DAPK1: variants seen among roughly 807,000 people sequenced by gnomAD.
DAPK1 encodes death associated protein kinase 1.
A neutral mutation model predicts 144.9 loss-of-function variants in DAPK1; 56 were observed. The ratio of observed to expected loss-of-function variants is 0.39; its 90% CI spans 0.31 to 0.48. The LOEUF is 0.48. Ranked by LOEUF, DAPK1 falls within the 20% of genes least tolerant of loss-of-function variation. The probability of loss-of-function intolerance (pLI) is 0.95; values close to 1 mark genes in which losing one functional copy is unlikely to be tolerated. For missense variants in DAPK1, 1,454 were observed against 1,875.4 expected (o/e 0.78, Z 4.15); for synonymous variants, 690 against 749.0 (o/e 0.92, Z 1.29).
intron 3 of DAPK1, among the ~76,000 whole-genome samples, chr9:87,620,575 G>A (rs1344112685): frequency 1.3e-5 from 2 of 151,550 alleles, no homozygotes; most frequent in Admixed American, 6.6e-5. Context: ...GGAGGGGGAG[G>A]GGGAGGGAGA....
chr9:87,518,473 C>G (rs1178514818), intron 2 of DAPK1, among the ~76,000 whole-genome samples: 1 of 151,762 alleles, frequency 6.6e-6, no homozygotes, highest in South Asian at 2.1e-4. Context: ...TGATGTTAAC[C>G]CTTTGCCATC....
At chr9:87,654,792 C>T (rs576589690) in intron 17 of DAPK1, among the ~76,000 whole-genome samples, 8 of 152,234 alleles carry the variant, frequency 5.3e-5, no homozygotes, top group East Asian at 1.9e-4. Flanking sequence ...ATCAGCTCTC[C>T]CCTTGTGAGA....
intron 19 of DAPK1, among the ~76,000 whole-genome samples, chr9:87,670,565 C>G (rs1422058788): frequency 6.6e-6 from 1 of 152,160 alleles, no homozygotes; most frequent in African/African-American, 2.4e-5. Context: ...GGTTTCCACA[C>G]AGAGAGGCTG....
chr9:87,525,647 G>C (rs147245509), intron 2 of DAPK1, among the ~76,000 whole-genome samples: 43 of 152,302 alleles, frequency 2.8e-4, no homozygotes, highest in African/African-American at 9.4e-4. Context: ...GGTCAGAGCA[G>C]CCCTGTTAGG....
chr9:87,647,416 C>A lies in DAPK1; in HGVS notation c.1329+13C>A. 6.2e-7 allele frequency: 1 copy of A among 1,608,174 alleles called. No homozygotes were observed. Among genetic ancestry groups the A allele is most frequent in the Non-Finnish European group, 8.5e-7 (1 of 1,174,638 alleles). On this transcript the variant is annotated intron_variant, in intron 14 of 25. Coordinates refer to ENST00000408954, the MANE Select transcript of DAPK1 (RefSeq NM_004938.4). The stretch of plus-strand genomic sequence containing the variant: ...TGTGAAAGACAAGGTAAGGCCACTT[C>A]TCTTAGGAGGAACATGAGGTGGTAG...
At chr9:87,699,944 C>A (rs1825401718) in intron 23 of DAPK1, among the ~76,000 whole-genome samples, 173 bp from the exon 24 acceptor site, 1 of 152,176 alleles carries the variant, frequency 6.6e-6, no homozygotes, top group African/African-American at 2.4e-5. Flanking sequence ...TCTCTGCACC[C>A]ACTGTGATGA....
At chr9:87,575,587 A>G (rs1428068373) in intron 2 of DAPK1, among the ~76,000 whole-genome samples, 1 of 152,166 alleles carries the variant, frequency 6.6e-6, no homozygotes, top group Non-Finnish European at 1.5e-5. Context: ...GTTACAAAGG[A>G]GTAATTTGAG....
chr9:87,705,886 T>A (rs1009401717), intron 25 of DAPK1, among the ~76,000 whole-genome samples: 6 of 152,200 alleles, frequency 3.9e-5, no homozygotes, highest in African/African-American at 1.4e-4. Flanking sequence ...TTCTTTCATT[T>A]CGCTGGCCTT....
intron 2 of DAPK1, among the ~76,000 whole-genome samples, chr9:87,587,528 A>T (rs1827977323): frequency 6.6e-6 from 1 of 152,180 alleles, no homozygotes; most frequent in Admixed American, 6.5e-5. Flanking sequence ...GCAATAACTT[A>T]TAATTATCCC....
chr9:87,637,954 G>A lies in DAPK1; in HGVS notation c.296G>A (p.Gly99Asp), dbSNP rs776542388. The A allele has an allele frequency of 6.2e-7, 1 of 1,613,816 alleles. No individual in the cohort carries two copies. Among genetic ancestry groups the A allele is most frequent in the Non-Finnish European group, 8.5e-7 (1 of 1,179,856 alleles). Reference sequence around the variant, plus strand: ...TTCCGGGTTCTCAGCGTTGCAGGTGGCGAGCTGTTTGACTTCTTAGCTGAA... The same window carrying A: ...TTCCGGGTTCTCAGCGTTGCAGGTGACGAGCTGTTTGACTTCTTAGCTGAA... ...VILILELVAG[G>D]ELFDFLAEKE... The change falls in exon 4 of 26, where the codon GGC (glycine) becomes GAC (aspartate). Residue 99 changes from glycine to aspartate, a missense_variant. Around this residue, in one of 2 missense-constraint regions of DAPK1, gnomAD observed 429 missense variants for 637.5 expected, o/e 0.67. Transcript: ENST00000408954.
At chr9:87,656,246 G>T (rs1380247963) in intron 17 of DAPK1, among the ~76,000 whole-genome samples, 1 of 152,168 alleles carries the variant, frequency 6.6e-6, no homozygotes, top group Non-Finnish European at 1.5e-5. Flanking sequence ...GGTATTTAGG[G>T]AGGGGGTTAT....
At chr9:87,601,075 C>A (rs534574075) in intron 2 of DAPK1, among the ~76,000 whole-genome samples, 23 of 152,296 alleles carry the variant, frequency 1.5e-4, no homozygotes, top group Non-Finnish European at 2.4e-4. Flanking sequence ...ACTGTCCCCC[C>A]AAAGGAGTCC....
chr9:87,520,599 G>A (rs1186796400), intron 2 of DAPK1, among the ~76,000 whole-genome samples: 4 of 152,162 alleles, frequency 2.6e-5, no homozygotes, highest in African/African-American at 4.8e-5. Context: ...TTAGGATATC[G>A]GTAACAATTT....
intron 2 of DAPK1, among the ~76,000 whole-genome samples, chr9:87,555,446 C>T (rs976410259): frequency 6.7e-6 from 1 of 150,330 alleles, no homozygotes; most frequent in Non-Finnish European, 1.5e-5. Flanking sequence ...GTAACACAAA[C>T]AACAACAGAA....
Position 87,707,132 on chromosome 9 carries a change from T to G in DAPK1, c.4061T>G (p.Leu1354Arg). The part of the protein sequence containing the change: ...NTSNGAPKDF[L>R]PSPLHALLRE... ...AGTAACGGGGCTCCCAAGGATTTCC[T>G]CCCCAGCCCCCTCCACGCCCTGCTG... The change falls in exon 26 of 26, where the codon CTC (leucine) becomes CGC (arginine). Residue 1354 changes from leucine to arginine, a missense_variant. By Grantham distance (102) the Leu-to-Arg change is moderately radical. This residue lies in a region of DAPK1 where 1,025 missense variants were observed against 1,237.9 expected (regional missense o/e 0.83). Transcript: ENST00000408954. This position sits in a 1 kb window ranked among gnomAD's most constrained non-coding sequence, Gnocchi z 4.0. The G allele has an allele frequency of 1.2e-6, 2 of 1,613,652 alleles. No homozygotes were observed. The highest frequency in any genetic ancestry group is 1.7e-6 in the Non-Finnish European group (2 of 1,179,724).
At chr9:87,557,967 C>T (rs1273725658) in intron 2 of DAPK1, among the ~76,000 whole-genome samples, 2 of 152,226 alleles carry the variant, frequency 1.3e-5, no homozygotes, top group Non-Finnish European at 2.9e-5. Context: ...AAACAAAAAC[C>T]GAATCCTTTA....
intron 2 of DAPK1, among the ~76,000 whole-genome samples, chr9:87,590,148 C>T (rs900767734): frequency 1.3e-5 from 2 of 152,072 alleles, no homozygotes; most frequent in Admixed American, 6.6e-5. Flanking sequence ...TCCCTTTGAA[C>T]ATCAATATGG....
chr9:87,661,006 A>G (rs773028710), intron 18 of DAPK1, among the ~76,000 whole-genome samples: 14 of 151,912 alleles, frequency 9.2e-5, no homozygotes, highest in Non-Finnish European at 1.6e-4. Flanking sequence ...CACCATGCCC[A>G]TTTTTGTATT....
At position 87,706,303 on chromosome 9, in the gene DAPK1, G is replaced by A. The variant is rs778653784; in HGVS notation, c.3232G>A (p.Val1078Met). ...DIQRLVPDSD[V>M]EELLQILDAM... ...CCAGCGCCTGGTGCCCGACAGCGAC[G>A]TGGAGGAGCTGCTGCAGATCCTCGA... The change falls in exon 26 of 26, where the codon GTG becomes ATG. Residue 1078 changes from valine to methionine, a missense_variant. Coordinates refer to ENST00000408954, the MANE Select transcript of DAPK1 (RefSeq NM_004938.4). This position sits in a 1 kb window ranked among gnomAD's most constrained non-coding sequence, Gnocchi z 9.0. 9 of 1,610,880 alleles carry A rather than the reference G, an allele frequency of 5.6e-6. No homozygotes were observed. Among genetic ancestry groups the A allele is most frequent in the South Asian group, 2.2e-5 (2 of 90,654 alleles).
Sources: allele counts gnomAD v4.1 joint callset (sites outside exome capture counted in the v4.1 genomes callset), GRCh38; gene constraint gnomAD v4.1.1; regional missense constraint gnomAD v4.1.1; non-coding constraint Gnocchi (gnomAD v3.1); transcripts MANE v1.5; gene names NCBI Gene and HGNC (gene_info 2026-07-23, HGNC 2026-07-21).